Variants in CYP7B1 observed in about 807,000 individuals in gnomAD.
CYP7B1 encodes cytochrome P450 family 7 subfamily B member 1, also known as cytochrome P450 7B1.
A neutral mutation model predicts 42.7 loss-of-function variants in CYP7B1; 29 were observed. That is an observed-to-expected ratio of 0.68 (90% CI 0.51 to 0.93). The LOEUF is 0.93. Among genes scored for constraint, CYP7B1 ranks in the 40% least tolerant of loss-of-function variants. The pLI is 0.00. For synonymous variants in CYP7B1, 235 were observed against 218.2 expected (o/e 1.08, Z -0.68); for missense variants, 655 against 600.5 (o/e 1.09, Z -0.95).
At chr8:64,666,185 A>C (rs1382897817) in intron 1 of CYP7B1, among the ~76,000 whole-genome samples, 3 of 152,110 alleles carry the variant, frequency 2.0e-5, no homozygotes, top group Admixed American at 2.0e-4. Context: ...TCTATAACCA[A>C]TCAAAAGTAC....
intron 4 of CYP7B1, among the ~76,000 whole-genome samples, chr8:64,608,562 C>T (rs1453310404): frequency 6.6e-6 from 1 of 151,878 alleles, no homozygotes; most frequent in Non-Finnish European, 1.5e-5. Context: ...GCTGCAGTCA[C>T]TGGGGCTGAA....
In CYP7B1 at chr8:64,798,500, G is replaced by A. The variant is rs764720189; in HGVS notation, c.88C>T (p.Leu30Phe). 4.5e-5 allele frequency: 68 copies of A among 1,509,856 alleles called. 2 individuals carry two copies. In the South Asian group the frequency reaches 7.0e-4, roughly 16 times the overall value. 93.5% of individuals were successfully genotyped at this position (1,509,856 alleles called of 1,614,324 possible). A position where few individuals can be genotyped will look rare whatever the true frequency, so the allele number is the denominator to read the frequency against. ...CGGACAAGCAAGCAGAGGGCCAGGA[G>A]CAGCAGGGCCGCGGCGAGGGCCAGG... ...PGLALAAALL[L>F]LALCLLVRRT... Residue 30 changes from leucine (L) to phenylalanine (F), a missense_variant, in exon 1 of 6, where the codon CTC becomes TTC. Transcript: ENST00000310193.
intron 1 of CYP7B1, among the ~76,000 whole-genome samples, chr8:64,736,229 G>A (rs1784884982): frequency 2.0e-5 from 3 of 152,044 alleles, no homozygotes; most frequent in African/African-American, 7.2e-5. Flanking sequence ...TCCCAAATCA[G>A]TCACTTCTTC....
At chr8:64,675,148 C>T (rs919965043) in intron 1 of CYP7B1, among the ~76,000 whole-genome samples, 13 of 152,062 alleles carry the variant, frequency 8.5e-5, no homozygotes, top group African/African-American at 2.9e-4. Flanking sequence ...GCTCAGTTAC[C>T]TACATTCATT....
intron 1 of CYP7B1, among the ~76,000 whole-genome samples, chr8:64,735,704 G>C (rs906092515): frequency 2.6e-5 from 4 of 152,268 alleles, no homozygotes; most frequent in Non-Finnish European, 4.4e-5. Flanking sequence ...AAAAAGTAGA[G>C]AGAAAATTAT....
chr8:64,654,739 C>A (rs1033649732), intron 1 of CYP7B1, among the ~76,000 whole-genome samples: 2 of 152,002 alleles, frequency 1.3e-5, no homozygotes, highest in African/African-American at 4.8e-5. Flanking sequence ...AAAGAGCAAA[C>A]CTGGAGGCAT....
chr8:64,678,809 C>T (rs1468620719), intron 1 of CYP7B1, among the ~76,000 whole-genome samples: 1 of 151,998 alleles, frequency 6.6e-6, no homozygotes, highest in Non-Finnish European at 1.5e-5. Flanking sequence ...GAGAACTGTA[C>T]AGGCCCTTCT....
At chr8:64,664,426 A>G (rs938087231) in intron 1 of CYP7B1, among the ~76,000 whole-genome samples, 3 of 152,202 alleles carry the variant, frequency 2.0e-5, no homozygotes, top group African/African-American at 7.2e-5. Flanking sequence ...ATCTAATTTA[A>G]TCTCTACAGC....
At chr8:64,784,881 A>C (rs1804495708) in intron 1 of CYP7B1, among the ~76,000 whole-genome samples, 1 of 152,196 alleles carries the variant, frequency 6.6e-6, no homozygotes, top group Non-Finnish European at 1.5e-5. Flanking sequence ...AAAATAAGAA[A>C]TTGGACTTGA....
At chr8:64,628,129 T>C (rs907409007) in intron 1 of CYP7B1, among the ~76,000 whole-genome samples, 2 of 152,166 alleles carry the variant, frequency 1.3e-5, no homozygotes, top group Non-Finnish European at 2.9e-5. Context: ...TCCCTCATAA[T>C]CTCAAACAAT....
At chr8:64,685,863 C>T (rs563233636) in intron 1 of CYP7B1, among the ~76,000 whole-genome samples, 3 of 41,684 alleles carry the variant, frequency 7.2e-5, no homozygotes, top group East Asian at 9.0e-4. Context: ...CCGTGCCATC[C>T]GGGAGGGAGG....
chr8:64,672,356 A>T (rs1373115008), intron 1 of CYP7B1, among the ~76,000 whole-genome samples: 1 of 152,128 alleles, frequency 6.6e-6, no homozygotes, highest in African/African-American at 2.4e-5. Context: ...ATTTGAAAGC[A>T]ATATAGACAT....
At chr8:64,689,563 T>C (rs1304783836) in intron 1 of CYP7B1, among the ~76,000 whole-genome samples, 2 of 152,204 alleles carry the variant, frequency 1.3e-5, no homozygotes, top group African/African-American at 2.4e-5. Flanking sequence ...AAAACAATTA[T>C]TTGATTCCAG....
intron 1 of CYP7B1, among the ~76,000 whole-genome samples, chr8:64,675,403 G>T (rs1806430820): frequency 6.6e-6 from 1 of 150,616 alleles, no homozygotes; most frequent in African/African-American, 2.4e-5. Context: ...TGCAAGATGT[G>T]CTATTTTTGT....
intron 2 of CYP7B1, 35 bp from the exon 3 acceptor site, chr8:64,616,316 C>T (rs572121164): frequency 1.3e-4 from 171 of 1,304,008 alleles, no homozygotes; most frequent in Non-Finnish European, 1.7e-4. Flanking sequence ...AATATGAGTT[C>T]GTTTGTTAAT....
chr8:64,647,796 C>T (rs960396700), intron 1 of CYP7B1, among the ~76,000 whole-genome samples: 23 of 152,142 alleles, frequency 1.5e-4, no homozygotes, highest in African/African-American at 5.3e-4. Flanking sequence ...GTCTACTCTA[C>T]TGAGTCCACT....
chr8:64,688,400 CTTCTT>C (rs1443802092), intron 1 of CYP7B1, among the ~76,000 whole-genome samples: 2 of 151,816 alleles, frequency 1.3e-5, no homozygotes, highest in East Asian at 1.9e-4. Context: ...CCCTCCTTCC[CTTCTT>C]TTCTTTATTC....
At chr8:64,638,425 C>A (rs1240222921) in intron 1 of CYP7B1, among the ~76,000 whole-genome samples, 2 of 152,084 alleles carry the variant, frequency 1.3e-5, no homozygotes, top group South Asian at 2.1e-4. Flanking sequence ...GCATGGTATA[C>A]AAATATACAG....
rs1389059097 is a variant in CYP7B1, at chr8:64,724,220, A to C, written c.122+74246T>G. 2.0e-5 allele frequency among the ~76,000 whole-genome samples: 3 copies of C among 152,022 alleles called. No homozygotes were observed. In the East Asian group the frequency reaches 5.8e-4, roughly 29 times the overall value. On this transcript the variant is annotated intron_variant, in intron 1 of 5. Transcript: ENST00000310193. ...AGTGGCGCAATCTCGATACACTGCA[A>C]CCTCTGCCTCCTGGGTTCAAGAGAT...
Sources: gnomAD v4.1 joint callset for allele counts (sites outside exome capture counted in the v4.1 genomes callset) on GRCh38, gnomAD v4.1.1 for gene constraint, MANE v1.5 for transcripts, NCBI Gene and HGNC (gene_info 2026-07-23, HGNC 2026-07-21) for gene names.